FYTTD1: variants seen among roughly 807,000 people sequenced by gnomAD.
The protein encoded by FYTTD1 is forty-two-three domain containing 1.
Under a neutral mutation model 40.9 loss-of-function variants are expected in FYTTD1, and 22 were observed. The ratio of observed to expected loss-of-function variants is 0.54; its 90% CI spans 0.38 to 0.77. FYTTD1 has a LOEUF of 0.77. Among genes scored for constraint, FYTTD1 ranks in the 30% least tolerant of loss-of-function variants. The pLI is 0.00. For missense variants in FYTTD1, 351 were observed against 392.2 expected, an observed-to-expected ratio of 0.90 and a Z score of 0.89; for synonymous variants, 140 against 137.9, an observed-to-expected ratio of 1.01 and a Z score of -0.10.
In FYTTD1 at chr3:197,768,619, T is replaced by C. The variant is rs192446023; in HGVS notation, c.384+32T>C. 4.6e-4 allele frequency: 722 copies of C among 1,570,594 alleles called. 2 individuals carry two copies. In the African/African-American group the frequency reaches 8.3e-3, roughly 18 times the overall value. ...TGATGGCTTAATCCTGGATTAGATA[T>C]CCTTTTCCTTTATTTGTACTAACAT... On this transcript the variant is annotated intron_variant, in intron 3 of 8. Coordinates refer to ENST00000241502, the MANE Select transcript of FYTTD1 (RefSeq NM_032288.7).
intron 2 of FYTTD1, among the ~76,000 whole-genome samples, chr3:197,764,573 G>A (rs1032999403): frequency 1.2e-4 from 18 of 151,892 alleles, no homozygotes; most frequent in African/African-American, 4.3e-4. Flanking sequence ...GCTGGGCATG[G>A]TGGTGGGCGC....
In FYTTD1 at chr3:197,756,615, T is replaced by C. The variant is rs139800461; in HGVS notation, c.235+58T>C. ...TGTTATTTGTGTGTTCATAGTGTAC[T>C]GTCTTTAGCATATGCTTAACGTGGA... On this transcript the variant is annotated intron_variant, in intron 2 of 8. Transcript: ENST00000241502. 1,575 of 1,469,740 alleles carry C rather than the reference T, an allele frequency of 1.1e-3. 9 individuals carry two copies. The highest frequency in any genetic ancestry group is 4.1e-3 in the South Asian group (359 of 87,608). 91.0% of individuals were successfully genotyped at this position (1,469,740 alleles called of 1,614,324 possible).
rs149920809 is a variant in FYTTD1, at chr3:197,759,699, G to A, written c.235+3142G>A. 2.7e-4 allele frequency among the ~76,000 whole-genome samples: 40 copies of A among 150,904 alleles called. No individual in the cohort carries two copies. In the East Asian group the frequency reaches 7.5e-3, roughly 28 times the overall value. ...TAGAGTTGTTCCTCAGTGGTAGAACGTATAGAGTTGTTCCTCAGTGGTAGA... is the reference window on the plus strand; with the variant it reads ...TAGAGTTGTTCCTCAGTGGTAGAACATATAGAGTTGTTCCTCAGTGGTAGA... On this transcript the variant is annotated intron_variant, in intron 2 of 8. Transcript: ENST00000241502.
At chr3:197,771,645 C>T (rs1230072741) in intron 4 of FYTTD1, among the ~76,000 whole-genome samples, 4 of 151,282 alleles carry the variant, frequency 2.6e-5, no homozygotes, top group Non-Finnish European at 4.4e-5. Flanking sequence ...GGCGTGGTGG[C>T]GGGCGCCTGT....
rs960714834 is a variant in FYTTD1 at position 197,786,793 on chromosome 3, G to GT, written c.*4891dup. 1.3e-5 allele frequency: 2 copies of GT among 152,178 alleles called. No homozygotes were observed. The highest frequency in any genetic ancestry group is 1.9e-4 in the East Asian group (1 of 5,178). 9.4% of individuals were successfully genotyped at this position (152,178 alleles called of 1,614,324 possible). ...ACTGCTTGGAGTTTATAAAAGCGGA[G>GT]TTTTTTTATTTTTTGAGACGGAATA... On this transcript the variant is annotated 3_prime_UTR_variant, in exon 9 of 9. Coordinates refer to ENST00000241502, the MANE Select transcript of FYTTD1 (RefSeq NM_032288.7).
chr3:197,754,738 C>G (rs1729163454), intron 1 of FYTTD1, among the ~76,000 whole-genome samples: 2 of 147,122 alleles, frequency 1.4e-5, no homozygotes, highest in Non-Finnish European at 3.0e-5. Flanking sequence ...GATTGTGGCT[C>G]ACTGCAGCCT....
intron 8 of FYTTD1, among the ~76,000 whole-genome samples, chr3:197,779,528 A>G (rs1454474629): frequency 1.4e-5 from 1 of 73,812 alleles, no homozygotes; most frequent in East Asian, 6.4e-4. Context: ...ATTCCTTAGG[A>G]CTTTTTTTTT....
chr3:197,778,462 CAG>C lies in FYTTD1; in HGVS notation c.857_858del (p.Gln286HisfsTer7). The C allele has an allele frequency of 6.3e-7, 1 of 1,594,226 alleles. No homozygotes were observed. Among genetic ancestry groups the C allele is most frequent in the Non-Finnish European group, 8.5e-7 (1 of 1,170,388 alleles). On this transcript the variant is annotated frameshift_variant and splice_region_variant, in exon 8 of 9. Coordinates refer to ENST00000241502, the MANE Select transcript of FYTTD1 (RefSeq NM_032288.7). LOFTEE classifies it high-confidence loss of function. The part of the protein sequence containing the change: ...LQFDINSVGK[Q>X]TGMTLNERFG... ...GTTTGACATAAACAGTGTCGGAAAA[CAG>C]GTAAAAAAACGTTTTCTGTATTTTC...
At position 197,773,493 on chromosome 3, in the gene FYTTD1, C is replaced by A; in HGVS notation, c.588C>A (p.Gly196=). ...AGGCAACTTTTCTTTTCAGAAGAGG[C>A]CTGAAGGTATTTAAAAACTTTGGCA... ...TRQATFLFRR[G]LKVQAQLNTE... The change falls in exon 5 of 9, where the codon GGC becomes GGA. Residue 196 remains glycine (G), a synonymous_variant. Transcript: ENST00000241502. 1.3e-6 allele frequency: 2 copies of A among 1,560,776 alleles called. No homozygotes were observed. The highest frequency in any genetic ancestry group is 1.7e-5 in the Admixed American group (1 of 57,146).
chr3:197,751,073 T>G (rs555410989), intron 1 of FYTTD1, among the ~76,000 whole-genome samples: 2 of 152,334 alleles, frequency 1.3e-5, no homozygotes, highest in East Asian at 3.9e-4. Context: ...AGTACCTGAC[T>G]AGTGGATTCC....
chr3:197,763,744 C>G (rs1580454037), intron 2 of FYTTD1: 1 of 163,050 alleles, frequency 6.1e-6, no homozygotes, highest in East Asian at 1.8e-4. Flanking sequence ...ATTACATATA[C>G]TGTAGAATGT....
chr3:197,759,753 CAT>C (rs769805894), intron 2 of FYTTD1, among the ~76,000 whole-genome samples: 1 of 144,796 alleles, frequency 6.9e-6, no homozygotes, highest in Non-Finnish European at 1.5e-5. Flanking sequence ...AGTGGTAGAA[CAT>C]ATAGAGTTGT....
intron 2 of FYTTD1, among the ~76,000 whole-genome samples, chr3:197,762,187 C>A (rs141914379): frequency 2.0e-5 from 3 of 152,030 alleles, no homozygotes; most frequent in African/African-American, 7.3e-5. Flanking sequence ...ACATTCAGTC[C>A]TTAACAAGCA....
rs544872964 is a variant in FYTTD1, at chr3:197,759,592, G to A, written c.235+3035G>A. Among the ~76,000 whole-genome samples, 14 of 151,496 alleles carry A rather than the reference G, an allele frequency of 9.2e-5. No individual in the cohort carries two copies. In the East Asian group the frequency reaches 9.8e-4, roughly 11 times the overall value. ...GTGTTCTTCAGTGGTAGAGCGTATA[G>A]AGTTGTTCTTCAGTGGTAGAACGTA... is the stretch of plus-strand genomic sequence containing the variant. On this transcript the variant is annotated intron_variant, in intron 2 of 8. Coordinates refer to ENST00000241502, the MANE Select transcript of FYTTD1 (RefSeq NM_032288.7).
chr3:197,766,162 C>CAA (rs746851412), intron 2 of FYTTD1, among the ~76,000 whole-genome samples: 3 of 46,144 alleles, frequency 6.5e-5, no homozygotes, highest in African/African-American at 9.2e-5. Context: ...GACTCTGTCT[C>CAA]AAAAAAAAAA....
Position 197,766,775 on chromosome 3 carries a change from A to G in FYTTD1, c.236-1664A>G, listed in dbSNP as rs183392069. Among the ~76,000 whole-genome samples, 38 of 152,216 alleles carry G rather than the reference A, an allele frequency of 2.5e-4. No individual in the cohort carries two copies. The East Asian group carries it at 6.2e-3, about 25-fold the overall frequency. On this transcript the variant is annotated intron_variant, in intron 2 of 8. Transcript: ENST00000241502. ...CAGGATTAGTGTAGGGCTACAAAAT[A>G]GTATGTAGAGTTGTGTAGTTGCCGA...
intron 1 of FYTTD1, chr3:197,755,856 T>A: frequency 6.5e-7 from 1 of 1,549,316 alleles, no homozygotes. Flanking sequence ...AATGGAGGCT[T>A]CTGTGTTTTT....
chr3:197,773,181 A>G (rs1014795426), intron 4 of FYTTD1, among the ~76,000 whole-genome samples: 40 of 152,244 alleles, frequency 2.6e-4, no homozygotes, highest in Admixed American at 2.2e-3. Context: ...TTGGAAGATA[A>G]AGTGGTTTGA....
At chr3:197,759,901 T>C (rs1463856348) in intron 2 of FYTTD1, among the ~76,000 whole-genome samples, 1 of 149,148 alleles carries the variant, frequency 6.7e-6, no homozygotes, top group African/African-American at 2.6e-5. Context: ...GTATAGGGTG[T>C]TCCTCAGTGG....
Sources: gnomAD v4.1 joint callset for allele counts (sites outside exome capture counted in the v4.1 genomes callset) on GRCh38, gnomAD v4.1.1 for gene constraint, MANE v1.5 for transcripts, NCBI Gene and HGNC (gene_info 2026-07-23, HGNC 2026-07-21) for gene names.